Variants in CCDC62 observed in about 807,000 individuals in gnomAD.
The protein encoded by CCDC62 is coiled-coil domain-containing protein 62.
Under a neutral mutation model 80.8 loss-of-function variants are expected in CCDC62, and 72 were observed. The ratio of observed to expected loss-of-function variants is 0.89; its 90% CI spans 0.74 to 1.08. The LOEUF (loss-of-function observed/expected upper bound fraction) is 1.08. Among genes scored for constraint, CCDC62 ranks in the 50% least tolerant of loss-of-function variants. The pLI is 0.00. For synonymous variants in CCDC62, 286 were observed against 296.5 expected, an observed-to-expected ratio of 0.96 and a Z score of 0.36; for missense variants, 704 against 809.4, an observed-to-expected ratio of 0.87 and a Z score of 1.58.
At chr12:122,774,919 C>A (rs1467814697) in intron 1 of CCDC62, among the ~76,000 whole-genome samples, 1 of 150,304 alleles carries the variant, frequency 6.7e-6, no homozygotes, top group Non-Finnish European at 1.5e-5. Context: ...GAAACCCCGT[C>A]TCTACTAAAA....
At position 122,813,310 on chromosome 12, in the gene CCDC62, C is replaced by A; in HGVS notation, c.1892C>A (p.Thr631Lys). 1.2e-6 allele frequency: 2 copies of A among 1,613,524 alleles called. No individual in the cohort carries two copies. The highest frequency in any genetic ancestry group is 2.2e-5 in the South Asian group (2 of 91,002). ...VLPSQDDFSP[T>K]SKLQRLLAES... ...CCCTCCCAGGATGATTTCTCGCCCA[C>A]GAGCAAGCTCCAGCGTTTGCTGGCG... The change falls in exon 11 of 13, where the codon ACG becomes AAG. Residue 631 changes from threonine to lysine, a missense_variant. Physicochemically the swap from Thr to Lys is moderately conservative, Grantham distance 78 (BLOSUM62 -1). Transcript: ENST00000253079.
rs754830884 is a variant in CCDC62, at chr12:122,801,612, A to G, written c.1466A>G (p.Gln489Arg). 3 of 1,614,216 alleles carry G rather than the reference A, an allele frequency of 1.9e-6. No homozygotes were observed. The highest frequency in any genetic ancestry group is 1.1e-5 in the South Asian group (1 of 91,078). ...AAGCTGGATGTAGAATGTCAAGATC[A>G]GATGGAAAGGTCCGAAATCTCATGC... ...PEKLDVECQD[Q>R]MERSEISCCQ... Residue 489 changes from glutamine to arginine, a missense_variant, in exon 9 of 13, where the codon CAG becomes CGG. Transcript: ENST00000253079.
intron 3 of CCDC62, among the ~76,000 whole-genome samples, chr12:122,783,478 G>A (rs879174876): frequency 3.3e-5 from 5 of 151,890 alleles, no homozygotes; most frequent in African/African-American, 9.7e-5. Context: ...TGCCCGCCTC[G>A]GCCTCCCAAA....
intron 2 of CCDC62, among the ~76,000 whole-genome samples, chr12:122,778,735 G>A (rs887976224): frequency 3.3e-5 from 5 of 152,022 alleles, no homozygotes; most frequent in South Asian, 4.2e-4. Flanking sequence ...AAAAATTAGC[G>A]GGGCATGGTG....
chr12:122,792,064 GAGATCA>G lies in CCDC62; in HGVS notation c.716_721del (p.Glu239_Ile241delinsVal). On this transcript the variant is annotated inframe_deletion, in exon 6 of 13. Coordinates refer to ENST00000253079, the MANE Select transcript of CCDC62 (RefSeq NM_201435.5). Reference sequence around the variant, plus strand: ...GACAGAAAATAATGAGCAACGAGAAGAGATCATTCGCCTCAAGCAAGAGAAAAGTTG... The same window carrying G: ...GACAGAAAATAATGAGCAACGAGAAGTTCGCCTCAAGCAAGAGAAAAGTTG... 6.2e-7 allele frequency: 1 copy of G among 1,614,108 alleles called. No homozygotes were observed. Among genetic ancestry groups the G allele is most frequent in the South Asian group, 1.1e-5 (1 of 91,082 alleles).
At position 122,813,424 on chromosome 12, in the gene CCDC62, G is replaced by T. The variant is rs1474732540; in HGVS notation, c.2001+5G>T. 7 of 1,609,022 alleles carry T rather than the reference G, an allele frequency of 4.4e-6. No individual in the cohort carries two copies. Among genetic ancestry groups the T allele is most frequent in the Non-Finnish European group, 5.9e-6 (7 of 1,178,638 alleles). ...CTCACTGGCAGTGCCACAAATGTAT[G>T]CGTTTCATTTTCTCTTGACTATATT... On this transcript the variant is annotated splice_donor_5th_base_variant and intron_variant, in intron 11 of 12. Transcript: ENST00000253079.
In CCDC62 at chr12:122,827,029, A is replaced by G. The variant is rs2135606370; in HGVS notation, c.*648A>G. On this transcript the variant is annotated 3_prime_UTR_variant, in exon 13 of 13. Coordinates refer to ENST00000253079, the MANE Select transcript of CCDC62 (RefSeq NM_201435.5). ...TATATTAGTCCCACCTACTGACACAAACAAAAGCTTGCTGGAAGATCGAGT... is the reference window on the plus strand; with the variant it reads ...TATATTAGTCCCACCTACTGACACAGACAAAAGCTTGCTGGAAGATCGAGT... 1 of 152,354 alleles carries G rather than the reference A, an allele frequency of 6.6e-6. No homozygotes were observed. The highest frequency in any genetic ancestry group is 1.5e-5 in the Non-Finnish European group (1 of 68,032). The allele number at this position is 152,354 out of a possible 1,614,324, so 9.4% of individuals were successfully genotyped here.
chr12:122,784,190 A>G (rs2030062563), intron 3 of CCDC62, among the ~76,000 whole-genome samples: 1 of 152,114 alleles, frequency 6.6e-6, no homozygotes, highest in African/African-American at 2.4e-5. Context: ...AGTAACACAC[A>G]TTTAAATTTC....
At chr12:122,815,445 G>GT (rs35270295) in intron 11 of CCDC62, among the ~76,000 whole-genome samples, 50,223 of 148,614 alleles carry the variant, frequency 0.34, 10,276 homozygotes, top group East Asian at 0.55. Context: ...AACTTAACAG[G>GT]TTTTTTTTTT....
intron 10 of CCDC62, among the ~76,000 whole-genome samples, chr12:122,809,271 C>A (rs1430437176): frequency 6.6e-6 from 1 of 152,076 alleles, no homozygotes; most frequent in Non-Finnish European, 1.5e-5. Flanking sequence ...GGGCAGATCA[C>A]CTGAGGTCAG....
rs148851600 is a variant in CCDC62 at position 122,813,143 on chromosome 12, A to G, written c.1852-127A>G. On this transcript the variant is annotated intron_variant, in intron 10 of 12. Transcript: ENST00000253079. ...CAGGAGCTTGAGGCAATCAGCTGTG[A>G]TTGTGCCACTGCACTTCAGCCTGGG... 7.9e-4 allele frequency: 751 copies of G among 946,362 alleles called. 8 individuals are homozygous for G. The African/African-American group carries it at 0.011, about 14-fold the overall frequency. The allele number at this position is 946,362 out of a possible 1,614,324, so 58.6% of individuals were successfully genotyped here. A position where few individuals can be genotyped will look rare whatever the true frequency, so the allele number is the denominator to read the frequency against.
At position 122,807,069 on chromosome 12, in the gene CCDC62, T is replaced by C. The variant is rs149305688; in HGVS notation, c.1851+774T>C. 2.6e-5 allele frequency among the ~76,000 whole-genome samples: 4 copies of C among 152,012 alleles called. No homozygotes were observed. In the East Asian group the frequency reaches 7.7e-4, roughly 29 times the overall value. On this transcript the variant is annotated intron_variant, in intron 10 of 12. Transcript: ENST00000253079. ...CTAATGTGTGGTAAATGGGATTTCATTATATGAGAAAATGTGTGGCAAGGT... is the reference window on the plus strand; with the variant it reads ...CTAATGTGTGGTAAATGGGATTTCACTATATGAGAAAATGTGTGGCAAGGT...
chr12:122,784,937 G>A (rs1457119864), intron 3 of CCDC62, among the ~76,000 whole-genome samples: 1 of 152,230 alleles, frequency 6.6e-6, no homozygotes, highest in African/African-American at 2.4e-5. Flanking sequence ...TCAAGAGTTC[G>A]AGACCAGCCC....
At chr12:122,802,138 A>C (rs1467771912) in intron 9 of CCDC62, among the ~76,000 whole-genome samples, 1 of 152,310 alleles carries the variant, frequency 6.6e-6, no homozygotes, top group Non-Finnish European at 1.5e-5. Flanking sequence ...ACTTGGGCAG[A>C]TATGCTTTAT....
rs2032029724 is a variant in CCDC62 at position 122,813,406 on chromosome 12, G to A, written c.1988G>A (p.Gly663Asp). 3 of 1,612,260 alleles carry A rather than the reference G, an allele frequency of 1.9e-6. No homozygotes were observed. Among genetic ancestry groups the A allele is most frequent in the Non-Finnish European group, 2.5e-6 (3 of 1,179,584 alleles). The change falls in exon 11 of 13, where the codon GGC (glycine) becomes GAC (aspartate). Residue 663 changes from glycine to aspartate, a missense_variant. By Grantham distance (94) the Gly-to-Asp change is moderately conservative (BLOSUM62 -1). Transcript: ENST00000253079. Reference protein sequence around the residue: ...LLPISHENLTGSATNKSEVPE... With the variant: ...LLPISHENLTDSATNKSEVPE... ...CCCATCAGCCATGAGAATCTCACTGGCAGTGCCACAAATGTATGCGTTTCA... is the reference window on the plus strand; with the variant it reads ...CCCATCAGCCATGAGAATCTCACTGACAGTGCCACAAATGTATGCGTTTCA...
intron 3 of CCDC62, among the ~76,000 whole-genome samples, chr12:122,783,955 G>A (rs1225219422): frequency 6.6e-6 from 1 of 152,056 alleles, no homozygotes; most frequent in Admixed American, 6.6e-5. Context: ...CATTCTATGG[G>A]GTTTTGACAG....
intron 12 of CCDC62, among the ~76,000 whole-genome samples, chr12:122,826,158 G>A (rs536018580): frequency 6.6e-6 from 1 of 152,112 alleles, no homozygotes; most frequent in African/African-American, 2.4e-5. Flanking sequence ...CAGGCATTTC[G>A]GATCTTTTCA....
At chr12:122,800,674 G>C (rs530943459) in intron 8 of CCDC62, among the ~76,000 whole-genome samples, 2 of 152,234 alleles carry the variant, frequency 1.3e-5, no homozygotes, top group East Asian at 3.9e-4. Context: ...TGATCCACCC[G>C]CCTCAGCCTC....
chr12:122,787,610 G>A (rs2030338663), intron 4 of CCDC62, among the ~76,000 whole-genome samples: 1 of 152,032 alleles, frequency 6.6e-6, no homozygotes, highest in Admixed American at 6.6e-5. Flanking sequence ...AATTAGCTGG[G>A]CATGATGGCA....
Sources: gnomAD v4.1 joint callset for allele counts (sites outside exome capture counted in the v4.1 genomes callset) on GRCh38, gnomAD v4.1.1 for gene constraint, MANE v1.5 for transcripts, NCBI Gene and HGNC (gene_info 2026-07-23, HGNC 2026-07-21) for gene names.